Variants in ST18 observed in about 807,000 individuals in gnomAD.
ST18 encodes suppression of tumorigenicity 18 protein.
A neutral mutation model predicts 110.0 loss-of-function variants in ST18; 50 were observed. The observed-to-expected ratio is 0.45, with a 90% CI of 0.36 to 0.58. The LOEUF is 0.58. Ranked by LOEUF, ST18 falls within the 20% of genes least tolerant of loss-of-function variation. The pLI is 0.00. For synonymous variants in ST18, 461 were observed against 452.4 expected (o/e 1.02, Z -0.24); for missense variants, 1,306 against 1,280.1 (o/e 1.02, Z -0.31).
intron 2 of ST18, among the ~76,000 whole-genome samples, chr8:52,364,646 A>T (rs1827113355): frequency 6.6e-6 from 1 of 152,208 alleles, no homozygotes; most frequent in South Asian, 2.1e-4. Flanking sequence ...GAGAGGTATC[A>T]CCCACACATT....
chr8:52,149,602 A>C, intron 16 of ST18, 130 bp downstream of exon 16: 1 of 1,303,540 alleles, frequency 7.7e-7, no homozygotes, highest in South Asian at 1.9e-5. Context: ...ACTTTATCAA[A>C]ATCTAAAGCA....
intron 6 of ST18, among the ~76,000 whole-genome samples, chr8:52,215,390 C>T (rs1423527465): frequency 6.6e-6 from 1 of 152,180 alleles, no homozygotes; most frequent in Non-Finnish European, 1.5e-5. Flanking sequence ...TTGAGACAAA[C>T]AACTCCAGAA....
At position 52,318,397 on chromosome 8, in the gene ST18, A is replaced by T. The variant is rs543074267; in HGVS notation, c.-464-88320T>A. ...GGCTGTTATTAAAAAGTCAAAAAAC[A>T]GCAGATGCTGGCAACGTTGTGGAGA... On this transcript the variant is annotated intron_variant, in intron 2 of 25. Coordinates refer to ENST00000689386, the MANE Select transcript of ST18 (RefSeq NM_001352837.2). Among the ~76,000 whole-genome samples, 10 of 152,316 alleles carry T rather than the reference A, an allele frequency of 6.6e-5. No homozygotes were observed. In the East Asian group the frequency reaches 1.7e-3, roughly 27 times the overall value.
In ST18 at chr8:52,217,101, A is replaced by G. The variant is rs888862427; in HGVS notation, c.-1+645T>C. ...CGTCTTTACTGCCTAAGCCCCGAAT[A>G]CTATTGATAAGCTTGCAATTATGTC... On this transcript the variant is annotated intron_variant, in intron 6 of 25. Coordinates refer to ENST00000689386, the MANE Select transcript of ST18 (RefSeq NM_001352837.2). 4.6e-5 allele frequency among the ~76,000 whole-genome samples: 7 copies of G among 152,160 alleles called. No individual in the cohort carries two copies. In the East Asian group the frequency reaches 1.4e-3, roughly 29 times the overall value.
chr8:52,289,684 C>A (rs924428237), intron 2 of ST18, among the ~76,000 whole-genome samples: 3 of 152,128 alleles, frequency 2.0e-5, no homozygotes, highest in Non-Finnish European at 4.4e-5. Flanking sequence ...GTGGGCTGCT[C>A]ACGATGTTGA....
At chr8:52,347,919 G>A (rs1263895927) in intron 2 of ST18, among the ~76,000 whole-genome samples, 1 of 152,152 alleles carries the variant, frequency 6.6e-6, no homozygotes, top group Non-Finnish European at 1.5e-5. Flanking sequence ...TTCTTTAGAT[G>A]AGTTGATTTA....
rs901863891 is a variant in ST18 at position 52,365,578 on chromosome 8, T to C, written c.-465+43750A>G. Among the ~76,000 whole-genome samples the C allele has an allele frequency of 2.6e-3, 27 of 10,508 alleles. No individual in the cohort carries two copies. In the Admixed American group the frequency reaches 0.039, roughly 15 times the overall value. The allele number at this position is 10,508 out of a possible 152,430, so 6.9% of individuals were successfully genotyped here. A position where few individuals can be genotyped will look rare whatever the true frequency, so the allele number is the denominator to read the frequency against. Reference sequence around the variant, plus strand: ...AACTTTTCTCAGAGCAACCAGAAACTAGTTTAAAAAAAAAAACTTACGTTA... The same window carrying C: ...AACTTTTCTCAGAGCAACCAGAAACCAGTTTAAAAAAAAAAACTTACGTTA... On this transcript the variant is annotated intron_variant, in intron 2 of 25. Coordinates refer to ENST00000689386, the MANE Select transcript of ST18 (RefSeq NM_001352837.2).
chr8:52,405,683 A>G (rs1844228445), intron 2 of ST18: 2 of 152,208 alleles, frequency 1.3e-5, no homozygotes. Context: ...TAAAGCAACT[A>G]TTATACACTT....
At chr8:52,137,928 C>A (rs1236911769) in intron 17 of ST18, 3 of 160,292 alleles carry the variant, frequency 1.9e-5, no homozygotes, top group African/African-American at 7.3e-5. Flanking sequence ...ATGGAGAAAC[C>A]CCATCTCTTC....
chr8:52,138,632 T>C (rs1431706649), intron 17 of ST18, among the ~76,000 whole-genome samples: 1 of 152,190 alleles, frequency 6.6e-6, no homozygotes, highest in Non-Finnish European at 1.5e-5. Context: ...CCTTAGCAGT[T>C]TTCTTCCACA....
chr8:52,342,571 G>C (rs192767441), intron 2 of ST18, among the ~76,000 whole-genome samples: 1 of 152,252 alleles, frequency 6.6e-6, no homozygotes, highest in African/African-American at 2.4e-5. Context: ...AACCTTATGC[G>C]CCTCAGCCAG....
At chr8:52,185,468 A>G (rs1033881119) in intron 8 of ST18, among the ~76,000 whole-genome samples, 3 of 152,204 alleles carry the variant, frequency 2.0e-5, no homozygotes, top group African/African-American at 7.2e-5. Flanking sequence ...GAGCAAAGAC[A>G]ATGTTGGAAA....
chr8:52,385,753 A>AT (rs1333674516), intron 2 of ST18, among the ~76,000 whole-genome samples: 1 of 152,126 alleles, frequency 6.6e-6, no homozygotes, highest in East Asian at 1.9e-4. Context: ...CAGTTCATGC[A>AT]TGCAATAAAG....
At chr8:52,287,070 T>G (rs1020610680) in intron 2 of ST18, among the ~76,000 whole-genome samples, 1 of 152,188 alleles carries the variant, frequency 6.6e-6, no homozygotes, top group African/African-American at 2.4e-5. Flanking sequence ...TGTTCCAAAA[T>G]ATCTAGAATT....
chr8:52,384,595 C>A (rs1358361059), intron 2 of ST18, among the ~76,000 whole-genome samples: 2 of 152,138 alleles, frequency 1.3e-5, no homozygotes, highest in African/African-American at 2.4e-5. Context: ...TTGCTACACA[C>A]CTTAATTCAA....
At chr8:52,158,479 G>A (rs1029333901) in intron 15 of ST18, among the ~76,000 whole-genome samples, 4 of 152,178 alleles carry the variant, frequency 2.6e-5, no homozygotes, top group African/African-American at 4.8e-5. Context: ...TGTTTCACAA[G>A]TCACCATTTG....
chr8:52,186,685 C>T (rs754645102), intron 8 of ST18, among the ~76,000 whole-genome samples: 3 of 152,152 alleles, frequency 2.0e-5, no homozygotes, highest in South Asian at 2.1e-4. Context: ...GAATAAAAGA[C>T]GGTAGAATAT....
In ST18 at chr8:52,111,248, G is replaced by T. The variant is rs2040455089; in HGVS notation, c.*1950C>A. On this transcript the variant is annotated 3_prime_UTR_variant, in exon 26 of 26. Coordinates refer to ENST00000689386, the MANE Select transcript of ST18 (RefSeq NM_001352837.2). ...TATAACAAACTTGTTAAAATATTTA[G>T]CAAATTAAACGTTTGTCTTTGTAAT... 1 of 334,716 alleles carries T rather than the reference G, an allele frequency of 3.0e-6. No homozygotes were observed. The highest frequency in any genetic ancestry group is 2.1e-5 in the African/African-American group (1 of 47,346). The allele number at this position is 334,716 out of a possible 1,614,324, so 20.7% of individuals were successfully genotyped here.
chr8:52,236,724 C>T (rs568008263), intron 2 of ST18, among the ~76,000 whole-genome samples: 18 of 152,018 alleles, frequency 1.2e-4, no homozygotes, highest in East Asian at 7.7e-4. Flanking sequence ...ACAATGATAG[C>T]GTGGTCTCTT....
Sources: allele counts gnomAD v4.1 joint callset (sites outside exome capture counted in the v4.1 genomes callset), GRCh38; gene constraint gnomAD v4.1.1; transcripts MANE v1.5; gene names NCBI Gene and HGNC (gene_info 2026-07-23, HGNC 2026-07-21).